The following LMNTD2 variants were observed in gnomAD, a reference collection of about 807,000 sequenced individuals.
LMNTD2 encodes lamin tail domain containing 2.
Under a neutral mutation model 70.1 loss-of-function variants are expected in LMNTD2, and 83 were observed. The ratio of observed to expected loss-of-function variants is 1.18; its 90% CI spans 0.99 to 1.42. LMNTD2 has a LOEUF of 1.42. Ranked by LOEUF, LMNTD2 falls within the 40% of genes most tolerant of loss-of-function variation. LMNTD2 has a pLI of 0.00. For missense variants in LMNTD2, 1,153 were observed against 905.9 expected (o/e 1.27, Z -3.50); for synonymous variants, 534 against 406.1 (o/e 1.31, Z -3.79).
rs1409684093 is a variant in LMNTD2, at chr11:555,228, G to A, written c.1773+77C>T. On this transcript the variant is annotated intron_variant, in intron 13 of 13. Transcript: ENST00000329451. ...GGAGGGGAGGGGACGAGGAGACAGAGGGGAGGGAGGGGCGGGAGAGGAGAG... is the reference window on the plus strand; with the variant it reads ...GGAGGGGAGGGGACGAGGAGACAGAAGGGAGGGAGGGGCGGGAGAGGAGAG... 8.7e-5 allele frequency: 97 copies of A among 1,111,988 alleles called. 2 individuals are homozygous for A. Among genetic ancestry groups the A allele is most frequent in the Non-Finnish European group, 1.1e-4 (94 of 861,242 alleles). The allele number at this position is 1,111,988 out of a possible 1,614,324, so 68.9% of individuals were successfully genotyped here.
rs566284927 is a variant in LMNTD2, at chr11:559,191, C to T, written c.35-212G>A. On this transcript the variant is annotated intron_variant, in intron 1 of 13. Coordinates refer to ENST00000329451, the MANE Select transcript of LMNTD2 (RefSeq NM_173573.3). ...GGGACCCACATGTGGGTGTCCACACCCGTGTGTTTCTGACCAGGCTGGCGC... is the reference window on the plus strand; with the variant it reads ...GGGACCCACATGTGGGTGTCCACACTCGTGTGTTTCTGACCAGGCTGGCGC... The T allele has an allele frequency of 8.1e-6, 12 of 1,473,570 alleles. No homozygotes were observed. The East Asian group carries it at 2.8e-4, about 34-fold the overall frequency. The allele number at this position is 1,473,570 out of a possible 1,614,324, so 91.3% of individuals were successfully genotyped here. A position where few individuals can be genotyped will look rare whatever the true frequency, so the allele number is the denominator to read the frequency against.
In LMNTD2 at chr11:560,732, G is replaced by T. The variant is rs561079573; in HGVS notation, c.-16C>A. 4.9e-6 allele frequency: 7 copies of T among 1,427,098 alleles called. No individual in the cohort carries two copies. In the African/African-American group the frequency reaches 5.9e-5, roughly 12 times the overall value. The allele number at this position is 1,427,098 out of a possible 1,614,324, so 88.4% of individuals were successfully genotyped here. ...GCCACCGCATTTCCGCGTTTTTCGC[G>T]GTAGGCGGGAGGTGGGGGCGGGGAC... On this transcript the variant is annotated 5_prime_UTR_variant, in exon 1 of 14. Coordinates refer to ENST00000329451, the MANE Select transcript of LMNTD2 (RefSeq NM_173573.3).
At chr11:559,550 C>A in intron 1 of LMNTD2, 1 of 1,215,988 alleles carries the variant, frequency 8.2e-7, no homozygotes, top group South Asian at 1.4e-5. Flanking sequence ...GGGGGGACCA[C>A]TTAGTGACCA....
intron 7 of LMNTD2, 56 bp from the exon 8 acceptor site, chr11:557,153 C>T: frequency 6.6e-7 from 1 of 1,511,400 alleles, no homozygotes. Flanking sequence ...AGCCCTGCCC[C>T]CGTCCAGCCT....
Position 555,820 on chromosome 11 carries a change from G to T in LMNTD2, c.1488C>A (p.Gly496=). ...GGCGCGGCGGCTTGCGGGTGTCGGC[G>T]CCGGGCCCGGCCTCAGGGAGCGGGA... The part of the protein sequence containing the change: ...DRFPLPEAGP[G]ADTRKPPRPP... The change falls in exon 12 of 14, where the codon GGC becomes GGA. Residue 496 remains glycine (G), a synonymous_variant. Transcript: ENST00000329451. 1 of 1,536,438 alleles carries T rather than the reference G, an allele frequency of 6.5e-7. No individual in the cohort carries two copies.
intron 13 of LMNTD2, 72 bp from the exon 14 acceptor site, chr11:555,183 G>GGAGGA (rs1342080465): frequency 4.0e-5 from 16 of 402,036 alleles, no homozygotes; most frequent in African/African-American, 3.5e-4. Context: ...GGAGGAGAGG[G>GGAGGA]GAGGGGCGGG....
In LMNTD2 at chr11:557,778, G is replaced by A. The variant is rs11246186; in HGVS notation, c.555+106C>T. The stretch of plus-strand genomic sequence containing the variant: ...CCAGAGTTCCAGAGGCACCTGAGCA[G>A]GGCAGGCTTCCAGGCAGGCCAGGGC... On this transcript the variant is annotated intron_variant, in intron 5 of 13. Coordinates refer to ENST00000329451, the MANE Select transcript of LMNTD2 (RefSeq NM_173573.3). The A allele has an allele frequency of 3.0e-4, 469 of 1,537,836 alleles. 1 individual carries two copies. In the African/African-American group the frequency reaches 5.7e-3, roughly 19 times the overall value.
rs759996545 is a variant in LMNTD2, at chr11:556,509, G to C, written c.1056C>G (p.Ser352Arg). 6.4e-7 allele frequency: 1 copy of C among 1,553,496 alleles called. No individual in the cohort carries two copies. The highest frequency in any genetic ancestry group is 1.2e-5 in the South Asian group (1 of 84,258). Reference protein sequence around the residue: ...PQPCTDPDHWSPELLQSPTGL... With the variant: ...PQPCTDPDHWRPELLQSPTGL... ...CCCCTTACCTCTGCAGGAGTTCCGG[G>C]CTCCAGTGGTCCGGGTCTGTGCAGG... The change falls in exon 9 of 14, where the codon AGC becomes AGG. Residue 352 changes from serine (S) to arginine (R), a missense_variant. Physicochemically the swap from Ser to Arg is moderately radical, Grantham distance 110. Transcript: ENST00000329451.
Position 559,187 on chromosome 11 carries a change from A to T in LMNTD2, c.35-208T>A, listed in dbSNP as rs1589834088. 4 of 1,472,826 alleles carry T rather than the reference A, an allele frequency of 2.7e-6. No homozygotes were observed. The East Asian group carries it at 1.0e-4, about 37-fold the overall frequency. The allele number at this position is 1,472,826 out of a possible 1,614,324, so 91.2% of individuals were successfully genotyped here. A position where few individuals can be genotyped will look rare whatever the true frequency, so the allele number is the denominator to read the frequency against. ...TGAAGGGACCCACATGTGGGTGTCC[A>T]CACCCGTGTGTTTCTGACCAGGCTG... is the stretch of plus-strand genomic sequence containing the variant. On this transcript the variant is annotated intron_variant, in intron 1 of 13. Coordinates refer to ENST00000329451, the MANE Select transcript of LMNTD2 (RefSeq NM_173573.3).
chr11:556,915 A>G lies in LMNTD2; in HGVS notation c.896T>C (p.Ile299Thr). Residue 299 changes from isoleucine to threonine, a missense_variant, in exon 8 of 14, where the codon ATA becomes ACA. Ile to Thr is a moderately conservative substitution (Grantham distance 89, BLOSUM62 -1). Coordinates refer to ENST00000329451, the MANE Select transcript of LMNTD2 (RefSeq NM_173573.3). Reference sequence around the variant, plus strand: ...GCGGTGGTCCCGGGGCGGGTGCCCTATCACCTGCACGAAGGAAGGCAGGCC... The same window carrying G: ...GCGGTGGTCCCGGGGCGGGTGCCCTGTCACCTGCACGAAGGAAGGCAGGCC... ...RPGLPSFVQV[I>T]GHPPRDHRAS... 1.3e-6 allele frequency: 2 copies of G among 1,596,698 alleles called. No homozygotes were observed. The highest frequency in any genetic ancestry group is 1.7e-6 in the Non-Finnish European group (2 of 1,175,232).
chr11:556,174 TC>T lies in LMNTD2; in HGVS notation c.1257+17del. 3.8e-6 allele frequency: 5 copies of T among 1,329,356 alleles called. No individual in the cohort carries two copies. Among genetic ancestry groups the T allele is most frequent in the Non-Finnish European group, 2.9e-6 (3 of 1,048,290 alleles). 82.3% of individuals were successfully genotyped at this position (1,329,356 alleles called of 1,614,324 possible). On this transcript the variant is annotated intron_variant, in intron 10 of 13. Transcript: ENST00000329451. ...CCGGGCCGGGCCGTCGGGGCCGGGC[TC>T]CCGGGCCGGGGCGCACCGTGACGTG...
chr11:558,311 CAGTGGCGAAGG>C, intron 3 of LMNTD2, 63 bp from the exon 4 acceptor site: 1 of 1,554,534 alleles, frequency 6.4e-7, no homozygotes, highest in Non-Finnish European at 8.8e-7. Flanking sequence ...AATGTCAGGT[CAGTGGCGAAGG>C]AGGGGAGAAG....
At chr11:559,909 G>T in intron 1 of LMNTD2, 1 of 323,542 alleles carries the variant, frequency 3.1e-6, no homozygotes, top group Non-Finnish European at 4.6e-6. Context: ...ACAGGCACCC[G>T]CCTCCACCGC....
intron 13 of LMNTD2, 43 bp downstream of exon 13, chr11:555,261 AC>A (rs2134089565): frequency 1.6e-6 from 2 of 1,277,652 alleles, no homozygotes; most frequent in Admixed American, 4.2e-5. Context: ...GAGGAGGAGA[AC>A]GAGGAGGGAG....
rs528734521 is a variant in LMNTD2, at chr11:559,660, T to C, written c.35-681A>G. 105 of 1,174,336 alleles carry C rather than the reference T, an allele frequency of 8.9e-5. No homozygotes were observed. The African/African-American group carries it at 1.5e-3, about 17-fold the overall frequency. The allele number at this position is 1,174,336 out of a possible 1,614,324, so 72.7% of individuals were successfully genotyped here. ...CCTGTGAGCCAGCCCAGCATAGCCA[T>C]GGGTGTGTGGGGGAAGCAGACAGGT... On this transcript the variant is annotated intron_variant, in intron 1 of 13. Coordinates refer to ENST00000329451, the MANE Select transcript of LMNTD2 (RefSeq NM_173573.3).
At chr11:559,340 C>G (rs1166802668) in intron 1 of LMNTD2, 1 of 1,361,034 alleles carries the variant, frequency 7.3e-7, no homozygotes, top group African/African-American at 1.5e-5. Flanking sequence ...CTACCCCCAG[C>G]ACTCACCTGA....
intron 8 of LMNTD2, 102 bp downstream of exon 8, chr11:556,733 T>G: frequency 7.0e-7 from 1 of 1,437,550 alleles, no homozygotes; most frequent in Non-Finnish European, 9.2e-7. Flanking sequence ...TGGCTGGACC[T>G]TGGGGGCTGG....
intron 1 of LMNTD2, chr11:559,499 C>T: frequency 1.6e-6 from 2 of 1,283,812 alleles, no homozygotes; most frequent in Non-Finnish European, 2.0e-6. Flanking sequence ...CCAGCCCAGC[C>T]TGGAGGAGGT....
intron 1 of LMNTD2, chr11:559,524 C>A: frequency 1.6e-6 from 2 of 1,260,386 alleles, no homozygotes; most frequent in Non-Finnish European, 2.1e-6. Context: ...GAGGCTGAGC[C>A]ACTGCTCAGC....
Sources: gnomAD v4.1 joint callset for allele counts on GRCh38, gnomAD v4.1.1 for gene constraint, MANE v1.5 for transcripts, NCBI Gene and HGNC (gene_info 2026-07-23, HGNC 2026-07-21) for gene names.